Variants in TUBGCP4 observed in about 807,000 individuals in gnomAD.
The protein encoded by TUBGCP4 is gamma-tubulin complex component 4.
Under a neutral mutation model 91.6 loss-of-function variants are expected in TUBGCP4, and 54 were observed. The ratio of observed to expected loss-of-function variants is 0.59; its 90% CI spans 0.47 to 0.74. The LOEUF (loss-of-function observed/expected upper bound fraction) is 0.74, where lower values mean the gene tolerates loss of function less well. Ranked by LOEUF, TUBGCP4 falls within the 30% of genes least tolerant of loss-of-function variation. TUBGCP4 has a pLI of 0.00. For synonymous variants in TUBGCP4, 297 were observed against 302.8 expected, an observed-to-expected ratio of 0.98 and a Z score of 0.20; for missense variants, 593 against 800.9, an observed-to-expected ratio of 0.74 and a Z score of 3.13.
At chr15:43,379,990 A>G (rs1595480178) in intron 5 of TUBGCP4, 94 bp from the exon 6 acceptor site, 6 of 1,210,806 alleles carry the variant, frequency 5.0e-6, no homozygotes, top group East Asian at 4.7e-5. Context: ...AGTCTCTCCT[A>G]GATTGTGCCC....
At chr15:43,399,925 T>C in intron 13 of TUBGCP4, 119 bp from the exon 14 acceptor site, 1 of 607,016 alleles carries the variant, frequency 1.6e-6, no homozygotes, top group East Asian at 2.8e-5. Context: ...CTCTAGTCAC[T>C]CTTTCCTTAC....
In TUBGCP4 at chr15:43,385,827, C is replaced by G; in HGVS notation, c.760C>G (p.Leu254Val). 6.2e-7 allele frequency: 1 copy of G among 1,614,164 alleles called. No individual in the cohort carries two copies. The highest frequency in any genetic ancestry group is 1.1e-5 in the South Asian group (1 of 91,074). ...GGAAGAGAACATGCTGGCACCATCT[C>G]TGAAGCAGTTTTCCCTACGAGTGGA... ...IEEENMLAPS[L>V]KQFSLRVEIL... The change falls in exon 8 of 18, where the codon CTG becomes GTG. Residue 254 changes from leucine to valine, a missense_variant. By Grantham distance (32) the Leu-to-Val change is conservative. Transcript: ENST00000564079.
At chr15:43,374,645 A>G (rs1198416925) in intron 1 of TUBGCP4, among the ~76,000 whole-genome samples, 2 of 152,096 alleles carry the variant, frequency 1.3e-5, no homozygotes, top group East Asian at 3.9e-4. Context: ...ATTCCCATAC[A>G]ATCTAGCAGT....
In TUBGCP4 at chr15:43,398,095, C is replaced by T; in HGVS notation, c.1334C>T (p.Pro445Leu). 6.2e-7 allele frequency: 1 copy of T among 1,614,118 alleles called. No individual in the cohort carries two copies. Among genetic ancestry groups the T allele is most frequent in the South Asian group, 1.1e-5 (1 of 91,078 alleles). The part of the protein sequence containing the change: ...PSRETSPREA[P>L]ASGWAALGLS... ...CGGGAAACTTCTCCCCGGGAAGCCC[C>T]TGCATCTGGCTGGGCAGCCCTAGGT... is the stretch of plus-strand genomic sequence containing the variant. The change falls in exon 13 of 18, where the codon CCT becomes CTT. Residue 445 changes from proline (P) to leucine (L), a missense_variant. Coordinates refer to ENST00000564079, the MANE Select transcript of TUBGCP4 (RefSeq NM_014444.5).
At chr15:43,389,685 T>C (rs1335372847) in intron 9 of TUBGCP4, among the ~76,000 whole-genome samples, 2 of 152,168 alleles carry the variant, frequency 1.3e-5, no homozygotes, top group African/African-American at 4.8e-5. Context: ...CTGTATTCAC[T>C]AGTTGTATTA....
intron 12 of TUBGCP4, 104 bp from the exon 13 acceptor site, chr15:43,397,936 TC>T: frequency 5.0e-6 from 6 of 1,199,738 alleles, no homozygotes; most frequent in Non-Finnish European, 6.9e-6. Flanking sequence ...GGTCTTGAAC[TC>T]CTGTGAGCTC....
chr15:43,404,494 C>A lies in TUBGCP4; in HGVS notation c.1930C>A (p.Leu644Ile). Residue 644 changes from leucine to isoleucine, a missense_variant, in exon 17 of 18, where the codon CTA (leucine) becomes ATA (isoleucine). Coordinates refer to ENST00000564079, the MANE Select transcript of TUBGCP4 (RefSeq NM_014444.5). The stretch of plus-strand genomic sequence containing the variant: ...TCAGATCAACTCAGATTTGGCTCAA[C>A]TACTGTTACGACTAGATTATAACAA... The part of the protein sequence containing the change: ...NHQINSDLAQ[L>I]LLRLDYNKYY... 1 of 1,614,172 alleles carries A rather than the reference C, an allele frequency of 6.2e-7. No individual in the cohort carries two copies. Among genetic ancestry groups the A allele is most frequent in the Non-Finnish European group, 8.5e-7 (1 of 1,180,020 alleles).
chr15:43,377,367 A>G (rs1001809022), intron 4 of TUBGCP4, among the ~76,000 whole-genome samples: 1 of 152,154 alleles, frequency 6.6e-6, no homozygotes, highest in Admixed American at 6.5e-5. Context: ...ACACACCTCT[A>G]ATCCCAGCAC....
chr15:43,405,525 C>A lies in TUBGCP4; in HGVS notation c.*311C>A, dbSNP rs908189840. The A allele has an allele frequency of 5.2e-6, 2 of 381,338 alleles. No homozygotes were observed. Among genetic ancestry groups the A allele is most frequent in the East Asian group, 8.9e-5 (2 of 22,550 alleles). The allele number at this position is 381,338 out of a possible 1,614,324, so 23.6% of individuals were successfully genotyped here. On this transcript the variant is annotated 3_prime_UTR_variant, in exon 18 of 18. Transcript: ENST00000564079. ...ACCTACTACGTACCTTGGTACTGTTCAAGCTGTGGGAGATACAGCGGTAAA... is the reference window on the plus strand; with the variant it reads ...ACCTACTACGTACCTTGGTACTGTTAAAGCTGTGGGAGATACAGCGGTAAA...
chr15:43,409,226 T>TC lies in TUBGCP4; in HGVS notation c.*4014dup. Reference sequence around the variant, plus strand: ...ACTACCCAAAATGTGATTTAGTCTATCCTGCCCAAGGCCACTCTTCTCACT... The same window carrying TC: ...ACTACCCAAAATGTGATTTAGTCTATCCCTGCCCAAGGCCACTCTTCTCACT... On this transcript the variant is annotated 3_prime_UTR_variant, in exon 18 of 18. Coordinates refer to ENST00000564079, the MANE Select transcript of TUBGCP4 (RefSeq NM_014444.5). The TC allele has an allele frequency of 1.2e-6, 1 of 804,760 alleles. No homozygotes were observed. The highest frequency in any genetic ancestry group is 2.0e-6 in the Non-Finnish European group (1 of 499,590). The allele number at this position is 804,760 out of a possible 1,614,324, so 49.9% of individuals were successfully genotyped here. A position where few individuals can be genotyped will look rare whatever the true frequency, so the allele number is the denominator to read the frequency against.
Position 43,403,470 on chromosome 15 carries a change from A to G in TUBGCP4, c.1732-213A>G. On this transcript the variant is annotated intron_variant, in intron 15 of 17. Transcript: ENST00000564079. ...AGGTTTGGTGCAGGGCTAAGAGAGT[A>G]ATACTCGCTTAGCCAGGAAAGGATG... is the stretch of plus-strand genomic sequence containing the variant. 4 of 503,164 alleles carry G rather than the reference A, an allele frequency of 7.9e-6. No homozygotes were observed. The South Asian group carries it at 1.0e-4, about 13-fold the overall frequency. The allele number at this position is 503,164 out of a possible 1,614,324, so 31.2% of individuals were successfully genotyped here.
chr15:43,392,201 T>A lies in TUBGCP4; in HGVS notation c.1015-2906T>A, dbSNP rs927594208. 2.6e-5 allele frequency among the ~76,000 whole-genome samples: 4 copies of A among 151,622 alleles called. No individual in the cohort carries two copies. The East Asian group carries it at 7.7e-4, about 29-fold the overall frequency. ...GTTTCTTCCTTCGTGTTTTTTTTTT[T>A]ACTCTTTCCCAGGTTGAAAGCTTGA... On this transcript the variant is annotated intron_variant, in intron 9 of 17. Coordinates refer to ENST00000564079, the MANE Select transcript of TUBGCP4 (RefSeq NM_014444.5).
chr15:43,395,492 A>G (rs971682427), intron 10 of TUBGCP4, 91 bp from the exon 11 acceptor site: 5 of 972,292 alleles, frequency 5.1e-6, no homozygotes, highest in Non-Finnish European at 8.1e-6. Context: ...AATTGATGAA[A>G]TTAGAAATTA....
In TUBGCP4 at chr15:43,395,104, T is replaced by C; in HGVS notation, c.1015-3T>C. The C allele has an allele frequency of 1.2e-6, 2 of 1,614,200 alleles. No homozygotes were observed. Among genetic ancestry groups the C allele is most frequent in the Non-Finnish European group, 1.7e-6 (2 of 1,180,026 alleles). On this transcript the variant is annotated splice_polypyrimidine_tract_variant and splice_region_variant and intron_variant, in intron 9 of 17. Coordinates refer to ENST00000564079, the MANE Select transcript of TUBGCP4 (RefSeq NM_014444.5). Reference sequence around the variant, plus strand: ...GTCCCTGTTTTGTTGGTTGTTTTCATAGCATCTCTGGAAGTTGATGGTAGA... The same window carrying C: ...GTCCCTGTTTTGTTGGTTGTTTTCACAGCATCTCTGGAAGTTGATGGTAGA...
intron 9 of TUBGCP4, among the ~76,000 whole-genome samples, chr15:43,391,199 A>G (rs1455026140): frequency 6.6e-6 from 1 of 150,836 alleles, no homozygotes; most frequent in Non-Finnish European, 1.5e-5. Context: ...CTGGCCTTTC[A>G]TTTTCTTTTT....
chr15:43,396,111 C>A (rs1049232915), intron 11 of TUBGCP4, among the ~76,000 whole-genome samples: 6 of 152,200 alleles, frequency 3.9e-5, no homozygotes, highest in African/African-American at 1.2e-4. Context: ...GATTCATTCT[C>A]TCTCTCTCTC....
intron 9 of TUBGCP4, among the ~76,000 whole-genome samples, chr15:43,393,418 C>T (rs1305058860): frequency 1.3e-5 from 2 of 151,626 alleles, no homozygotes; most frequent in Admixed American, 6.6e-5. Flanking sequence ...ACCATGTTGG[C>T]CAGGATGGTT....
chr15:43,376,067 G>A (rs746211705), intron 1 of TUBGCP4, 31 bp from the exon 2 acceptor site: 1 of 1,607,202 alleles, frequency 6.2e-7, no homozygotes, highest in Non-Finnish European at 8.5e-7. Context: ...AGCGACTGGC[G>A]GTGTTTTCGG....
chr15:43,404,136 G>A (rs1022459384), intron 16 of TUBGCP4: 18 of 505,574 alleles, frequency 3.6e-5, no homozygotes, highest in Non-Finnish European at 5.6e-5. Flanking sequence ...TAATCAAAAC[G>A]GGTTCTCCCC....
Sources: gnomAD v4.1 joint callset for allele counts (sites outside exome capture counted in the v4.1 genomes callset) on GRCh38, gnomAD v4.1.1 for gene constraint, MANE v1.5 for transcripts, NCBI Gene and HGNC (gene_info 2026-07-23, HGNC 2026-07-21) for gene names.